DDX31: variants seen among roughly 807,000 people sequenced by gnomAD.
The protein encoded by DDX31 is DEAD-box helicase 31, also known as ATP-dependent DNA helicase DDX31.
Under a neutral mutation model 91.3 loss-of-function variants are expected in DDX31, and 70 were observed. The observed-to-expected ratio is 0.77, with a 90% CI of 0.63 to 0.94. The LOEUF is 0.94. Ranked by LOEUF, DDX31 falls within the 40% of genes least tolerant of loss-of-function variation. DDX31 has a pLI of 0.00. For synonymous variants in DDX31, 362 were observed against 350.6 expected (o/e 1.03, Z -0.36); for missense variants, 902 against 925.0 (o/e 0.98, Z 0.32).
In DDX31 at chr9:132,638,455, T is replaced by G. The variant is rs1424289110; in HGVS notation, c.1440+3549A>C. On this transcript the variant is annotated intron_variant, in intron 14 of 19. Coordinates refer to ENST00000372159, the MANE Select transcript of DDX31 (RefSeq NM_022779.9). ...TTAATTCCACTTGGGAAAGTGGGCT[T>G]TGAACTTCCAATGACTCCTTCTTGC... The G allele has an allele frequency of 5.7e-6, 9 of 1,570,426 alleles. No homozygotes were observed. The African/African-American group carries it at 8.1e-5, about 14-fold the overall frequency.
intron 18 of DDX31, 119 bp downstream of exon 18, chr9:132,618,211 G>T: frequency 4.3e-6 from 3 of 703,110 alleles, no homozygotes; most frequent in Non-Finnish European, 6.8e-6. Context: ...GAAGGCTTTG[G>T]CTGGTGAGCA....
At chr9:132,647,482 A>G (rs1271633653) in intron 11 of DDX31, among the ~76,000 whole-genome samples, 1 of 152,144 alleles carries the variant, frequency 6.6e-6, no homozygotes, top group Non-Finnish European at 1.5e-5. Context: ...GCATTTCTCA[A>G]ACTTTCTTGA....
intron 19 of DDX31, among the ~76,000 whole-genome samples, chr9:132,603,171 C>T (rs1012727224): frequency 2.6e-5 from 4 of 152,246 alleles, no homozygotes; most frequent in African/African-American, 7.2e-5. Context: ...GCCACCGCCA[C>T]GAGCACTTAA....
chr9:132,646,722 CCT>C (rs1356008037), intron 12 of DDX31, 99 bp downstream of exon 12: 14 of 1,119,960 alleles, frequency 1.3e-5, no homozygotes, highest in Non-Finnish European at 1.5e-5. Context: ...AGTTGGAAAA[CCT>C]CTGATTTTTG....
At chr9:132,628,920 C>T (rs1377632498) in intron 16 of DDX31, among the ~76,000 whole-genome samples, 1 of 152,250 alleles carries the variant, frequency 6.6e-6, no homozygotes, top group Non-Finnish European at 1.5e-5. Context: ...AAAGCAGCCA[C>T]CAGCAGCATT....
chr9:132,614,082 C>T (rs1831499128), intron 18 of DDX31, among the ~76,000 whole-genome samples: 1 of 152,112 alleles, frequency 6.6e-6, no homozygotes, highest in Admixed American at 6.5e-5. Context: ...GCAAGTTTGC[C>T]CACAGCTTAA....
intron 1 of DDX31, among the ~76,000 whole-genome samples, chr9:132,669,122 C>G (rs1835525499): frequency 6.6e-6 from 1 of 152,106 alleles, no homozygotes; most frequent in African/African-American, 2.4e-5. Context: ...TTAGAGACAA[C>G]AGACAAGTGT....
chr9:132,594,733 C>T lies in DDX31; in HGVS notation c.*133G>A, dbSNP rs1830347100. Reference sequence around the variant, plus strand: ...TCCCATGGAGGAGAAGGGCTGTGGCCCCTCTGATTCTTGGGGACGTGGTAT... The same window carrying T: ...TCCCATGGAGGAGAAGGGCTGTGGCTCCTCTGATTCTTGGGGACGTGGTAT... On this transcript the variant is annotated 3_prime_UTR_variant, in exon 20 of 20. Coordinates refer to ENST00000372159, the MANE Select transcript of DDX31 (RefSeq NM_022779.9). The T allele has an allele frequency of 2.1e-6, 3 of 1,420,992 alleles. No individual in the cohort carries two copies. Among genetic ancestry groups the T allele is most frequent in the Non-Finnish European group, 2.9e-6 (3 of 1,050,326 alleles). The allele number at this position is 1,420,992 out of a possible 1,614,324, so 88.0% of individuals were successfully genotyped here. A position where few individuals can be genotyped will look rare whatever the true frequency, so the allele number is the denominator to read the frequency against.
At chr9:132,605,797 G>A (rs1830978470) in intron 19 of DDX31, among the ~76,000 whole-genome samples, 1 of 150,894 alleles carries the variant, frequency 6.6e-6, no homozygotes, top group East Asian at 1.9e-4. Flanking sequence ...AGCAAAGGCT[G>A]GGGGCCTTTG....
At chr9:132,605,917 C>T (rs936025390) in intron 19 of DDX31, among the ~76,000 whole-genome samples, 1 of 151,850 alleles carries the variant, frequency 6.6e-6, no homozygotes, top group Non-Finnish European at 1.5e-5. Context: ...TGCTAGCTGA[C>T]TGCGGTGCCG....
At chr9:132,620,438 C>T (rs1432469617) in intron 17 of DDX31, among the ~76,000 whole-genome samples, 1 of 146,096 alleles carries the variant, frequency 6.8e-6, no homozygotes, top group East Asian at 2.0e-4. Context: ...AAAAAAATTA[C>T]ATATATATAA....
At position 132,645,911 on chromosome 9, in the gene DDX31, C is replaced by T; in HGVS notation, c.1364G>A (p.Gly455Asp). ...AGTGCTCACCTCCTGCTCCATGCCG[C>T]CATGCAGCCGTAGGAATTTTAATCG... ...SMRLKFLRLH[G>D]GMEQEERTAV... Residue 455 changes from glycine (G) to aspartate (D), a missense_variant, in exon 13 of 20, where the codon GGC becomes GAC. Transcript: ENST00000372159. 6.2e-7 allele frequency: 1 copy of T among 1,613,032 alleles called. No individual in the cohort carries two copies. The highest frequency in any genetic ancestry group is 8.5e-7 in the Non-Finnish European group (1 of 1,179,522).
intron 1 of DDX31, among the ~76,000 whole-genome samples, chr9:132,664,477 G>C (rs142392446): frequency 6.6e-6 from 1 of 152,138 alleles, no homozygotes; most frequent in Non-Finnish European, 1.5e-5. Flanking sequence ...GTGAGGCTGA[G>C]GTGAGCTGAT....
intron 17 of DDX31, among the ~76,000 whole-genome samples, chr9:132,623,551 C>CAAAAAAAAAAAAAAAAAAA (rs34868804): frequency 2.7e-4 from 18 of 66,516 alleles, no homozygotes; most frequent in Non-Finnish European, 3.7e-4. Flanking sequence ...GACTCCATCT[C>CAAAAAAAAAAAAAAAAAAA]AAAAAAAAAA....
chr9:132,609,954 A>G (rs1831235126), intron 19 of DDX31, among the ~76,000 whole-genome samples: 1 of 152,192 alleles, frequency 6.6e-6, no homozygotes, highest in Non-Finnish European at 1.5e-5. Flanking sequence ...CATTTGGCAG[A>G]TCTCTTCCTC....
chr9:132,658,203 A>G, intron 6 of DDX31: 1 of 682,642 alleles, frequency 1.5e-6, no homozygotes, highest in Non-Finnish European at 2.7e-6. Flanking sequence ...ATTAACCTTC[A>G]CTGTAAGTCT....
chr9:132,608,657 A>G (rs1564281271), intron 19 of DDX31, among the ~76,000 whole-genome samples: 1 of 152,242 alleles, frequency 6.6e-6, no homozygotes, highest in African/African-American at 2.4e-5. Context: ...TAAACACCGT[A>G]AAATGGAATG....
chr9:132,663,101 G>T, intron 1 of DDX31: 1 of 1,101,626 alleles, frequency 9.1e-7, no homozygotes, highest in Non-Finnish European at 1.2e-6. Context: ...GAGAAAAGAG[G>T]GGTGGGGGAA....
chr9:132,596,837 G>T (rs1166731159), intron 19 of DDX31, among the ~76,000 whole-genome samples: 1 of 152,188 alleles, frequency 6.6e-6, no homozygotes, highest in Non-Finnish European at 1.5e-5. Context: ...CAGGAGCCAG[G>T]CAAGTGAGTA....
Sources: gnomAD v4.1 joint callset for allele counts (sites outside exome capture counted in the v4.1 genomes callset) on GRCh38, gnomAD v4.1.1 for gene constraint, MANE v1.5 for transcripts, NCBI Gene and HGNC (gene_info 2026-07-23, HGNC 2026-07-21) for gene names.